Variants in LZTR1 observed in about 807,000 individuals in gnomAD.
The protein encoded by LZTR1 is leucine-zipper-like transcriptional regulator 1.
A neutral mutation model predicts 105.7 loss-of-function variants in LZTR1; 260 were observed. The observed-to-expected ratio is 2.46, with a 90% CI of 2.22 to 2.72. LZTR1 has a LOEUF of 2.72. LZTR1 is among the 30% of genes most tolerant of loss of function. The pLI is 0.00. For synonymous variants in LZTR1, 490 were observed against 476.4 expected (o/e 1.03, Z -0.37); for missense variants, 1,214 against 1,166.9 (o/e 1.04, Z -0.59).
rs372126023 is a variant in LZTR1 at position 20,992,332 on chromosome 22, C to T, written c.1112C>T (p.Thr371Ile). 2.5e-6 allele frequency: 4 copies of T among 1,613,722 alleles called. No homozygotes were observed. In the African/African-American group the frequency reaches 4.0e-5, roughly 16 times the overall value. Residue 371 changes from threonine (T) to isoleucine (I), a missense_variant, in exon 10 of 21, where the codon ACC (threonine) becomes ATC (isoleucine). Coordinates refer to ENST00000646124, the MANE Select transcript of LZTR1 (RefSeq NM_006767.4). ...GATGTGTTTGGCCTGGACTTTGGCA[C>T]CACCTCAGCCAAGCAGCCCACCCAG... ...SRDVFGLDFG[T>I]TSAKQPTQPA...
intron 9 of LZTR1, among the ~76,000 whole-genome samples, 168 bp from the exon 10 acceptor site, chr22:20,992,046 T>C (rs535986005): frequency 6.6e-6 from 1 of 152,322 alleles, no homozygotes; most frequent in South Asian, 2.1e-4. Flanking sequence ...TCACACCCCA[T>C]CATGGCTGCA....
Position 20,994,283 on chromosome 22 carries a change from G to A in LZTR1, c.1615+14G>A, listed in dbSNP as rs757408021. 6.3e-7 allele frequency: 1 copy of A among 1,596,378 alleles called. No homozygotes were observed. Among genetic ancestry groups the A allele is most frequent in the South Asian group, 1.1e-5 (1 of 90,840 alleles). ...ACCCACGGAAAGGTCCGCCTGGGTGGGGGTGGAGCAGGGTTGGTGTGGGCT... is the reference window on the plus strand; with the variant it reads ...ACCCACGGAAAGGTCCGCCTGGGTGAGGGTGGAGCAGGGTTGGTGTGGGCT... On this transcript the variant is annotated intron_variant, in intron 14 of 20. Transcript: ENST00000646124.
Position 20,996,015 on chromosome 22 carries a change from A to T in LZTR1, c.2122A>T (p.Ile708Phe). 1.9e-6 allele frequency: 3 copies of T among 1,613,712 alleles called. No homozygotes were observed. Among genetic ancestry groups the T allele is most frequent in the Admixed American group, 1.7e-5 (1 of 60,030 alleles). Residue 708 changes from isoleucine to phenylalanine, a missense_variant, in exon 18 of 21, where the codon ATC (isoleucine) becomes TTC (phenylalanine). Coordinates refer to ENST00000646124, the MANE Select transcript of LZTR1 (RefSeq NM_006767.4). The part of the protein sequence containing the change: ...SFMPEDGQVN[I>F]SIGEMVPSRQ... ...CATGCCCGAAGATGGGCAGGTGAAC[A>T]TCTCCATCGGGGAGATGGTGCCCAG...
At chr22:20,995,718 A>G (rs753124136) in intron 16 of LZTR1, 28 bp from the exon 17 acceptor site, 7 of 1,612,558 alleles carry the variant, frequency 4.3e-6, no homozygotes, top group Non-Finnish European at 5.9e-6. Context: ...CCCAGGCTGT[A>G]CCTGCTCAGG....
At chr22:20,989,799 G>A (rs1441164976) in intron 7 of LZTR1, 117 bp downstream of exon 7, 1 of 1,115,190 alleles carries the variant, frequency 9.0e-7, no homozygotes, top group Non-Finnish European at 1.3e-6. Context: ...AGGGAGGTGG[G>A]AGGCAGGGGG....
chr22:20,997,002 C>T, intron 20 of LZTR1, 36 bp downstream of exon 20: 1 of 1,606,006 alleles, frequency 6.2e-7, no homozygotes, highest in Non-Finnish European at 8.5e-7. Context: ...GACTCGCTTC[C>T]CCTTGGCAGT....
chr22:20,989,007 G>A (rs990847598), intron 6 of LZTR1, 135 bp downstream of exon 6: 3 of 751,002 alleles, frequency 4.0e-6, no homozygotes, highest in Non-Finnish European at 6.8e-6. Flanking sequence ...CTGTCTGGGG[G>A]TTTCTTGGGA....
chr22:20,997,406 GAGA>G lies in LZTR1; in HGVS notation c.*62_*64del, dbSNP rs1359509277. ...GCCGTGCCTGCCTGCCCTGCCTACT[GAGA>G]AGACTACCGGCTATGCGCATGCCTA... On this transcript the variant is annotated 3_prime_UTR_variant, in exon 21 of 21. Transcript: ENST00000646124. 14 of 1,295,258 alleles carry G rather than the reference GAGA, an allele frequency of 1.1e-5. No individual in the cohort carries two copies. The highest frequency in any genetic ancestry group is 2.4e-5 in the South Asian group (2 of 84,510). The allele number at this position is 1,295,258 out of a possible 1,614,324, so 80.2% of individuals were successfully genotyped here.
intron 16 of LZTR1, 96 bp from the exon 17 acceptor site, chr22:20,995,650 G>C: frequency 2.0e-6 from 3 of 1,480,460 alleles, no homozygotes; most frequent in Non-Finnish European, 2.8e-6. Flanking sequence ...TTTTGTTCAG[G>C]GCAGCAACAT....
At position 20,994,176 on chromosome 22, in the gene LZTR1, CT is replaced by C; in HGVS notation, c.1523del (p.Leu508ArgfsTer48). The C allele has an allele frequency of 6.2e-7, 1 of 1,601,878 alleles. No homozygotes were observed. The highest frequency in any genetic ancestry group is 8.5e-7 in the Non-Finnish European group (1 of 1,176,502). ...GVAAGGARPP[L>X]LHVAIREAEA... ...GGCTGCTGGTGGGGCCCGGCCGCCC[CT>C]GCTGCACGTGGCCATCCGGGAGGCC... On this transcript the variant is annotated frameshift_variant, in exon 14 of 21. Coordinates refer to ENST00000646124, the MANE Select transcript of LZTR1 (RefSeq NM_006767.4). LOFTEE classifies it high-confidence loss of function.
intron 18 of LZTR1, 44 bp downstream of exon 18, chr22:20,996,156 T>A: frequency 1.3e-6 from 2 of 1,597,420 alleles, no homozygotes; most frequent in Non-Finnish European, 1.7e-6. Context: ...CACCAAGGGG[T>A]CCTGGCACCC....
chr22:20,994,402 A>T (rs773279337), intron 14 of LZTR1, 133 bp downstream of exon 14: 1 of 1,257,464 alleles, frequency 8.0e-7, no homozygotes, highest in Non-Finnish European at 1.1e-6. Context: ...CACCCTCCTT[A>T]CCCATGATCA....
chr22:20,995,589 A>T, intron 16 of LZTR1, 157 bp from the exon 17 acceptor site: 1 of 892,344 alleles, frequency 1.1e-6, no homozygotes, highest in Non-Finnish European at 1.8e-6. Flanking sequence ...GGGAGGACAG[A>T]ATGTGGCTGA....
At chr22:20,984,622 G>T (rs557738) in intron 2 of LZTR1, among the ~76,000 whole-genome samples, 1,455 of 132,848 alleles carry the variant, frequency 0.011, 61 homozygotes, top group African/African-American at 0.036. Flanking sequence ...GAGGGGGGGG[G>T]GGCGGTATCA....
intron 11 of LZTR1, 128 bp downstream of exon 11, chr22:20,993,032 C>G: frequency 1.5e-6 from 1 of 679,656 alleles, no homozygotes; most frequent in Non-Finnish European, 2.5e-6. Context: ...GGATGGAAGC[C>G]TTGGGAGGAG....
chr22:20,993,756 T>TG lies in LZTR1; in HGVS notation c.1353+5dup. The TG allele has an allele frequency of 6.2e-7, 1 of 1,611,786 alleles. No homozygotes were observed. Among genetic ancestry groups the TG allele is most frequent in the Non-Finnish European group, 8.5e-7 (1 of 1,179,256 alleles). ...GACGTGGAGTTCGTGCTGGGTGAGGTGGGTGCCTGTCCTCGCACCCTGCTC... is the reference window on the plus strand; with the variant it reads ...GACGTGGAGTTCGTGCTGGGTGAGGTGGGGTGCCTGTCCTCGCACCCTGCTC... On this transcript the variant is annotated splice_region_variant and intron_variant, in intron 12 of 20. Coordinates refer to ENST00000646124, the MANE Select transcript of LZTR1 (RefSeq NM_006767.4).
chr22:20,987,720 G>A, intron 4 of LZTR1, 137 bp downstream of exon 4: 1 of 818,786 alleles, frequency 1.2e-6, no homozygotes, highest in Middle Eastern at 3.0e-4. Context: ...TTGTCTGCCA[G>A]TCTTCGGAAT....
At chr22:20,988,150 G>T in intron 5 of LZTR1, 32 bp downstream of exon 5, 1 of 1,446,614 alleles carries the variant, frequency 6.9e-7, no homozygotes, top group East Asian at 2.3e-5. Flanking sequence ...TTTGGGACAG[G>T]CTGGGTCCTG....
In LZTR1 at chr22:20,997,384, G is replaced by C; in HGVS notation, c.*36G>C. 1 of 1,460,640 alleles carries C rather than the reference G, an allele frequency of 6.8e-7. No homozygotes were observed. Among genetic ancestry groups the C allele is most frequent in the Non-Finnish European group, 9.6e-7 (1 of 1,041,274 alleles). 90.5% of individuals were successfully genotyped at this position (1,460,640 alleles called of 1,614,324 possible). A position where few individuals can be genotyped will look rare whatever the true frequency, so the allele number is the denominator to read the frequency against. On this transcript the variant is annotated 3_prime_UTR_variant, in exon 21 of 21. Transcript: ENST00000646124. ...CGCCTGCCCATTGTGAAGAATCGCC[G>C]TGCCTGCCTGCCCTGCCTACTGAGA... is the stretch of plus-strand genomic sequence containing the variant.
Sources: allele counts gnomAD v4.1 joint callset (sites outside exome capture counted in the v4.1 genomes callset), GRCh38; gene constraint gnomAD v4.1.1; transcripts MANE v1.5; gene names NCBI Gene and HGNC (gene_info 2026-07-23, HGNC 2026-07-21).